The following SHANK2 variants were observed in gnomAD, a reference collection of about 807,000 sequenced individuals.
SHANK2 encodes the protein SH3 and multiple ankyrin repeat domains protein 2.
SHANK2 carries 43 observed loss-of-function variants against 133.7 expected under a neutral mutation model. That is an observed-to-expected ratio of 0.32 (90% CI 0.25 to 0.41). SHANK2 has a LOEUF of 0.41. Among genes scored for constraint, SHANK2 ranks in the 10% least tolerant of loss-of-function variants. The pLI is 1.00. For missense variants in SHANK2, 1,994 were observed against 2,235.8 expected (o/e 0.89, Z 2.18); for synonymous variants, 1,017 against 952.8 (o/e 1.07, Z -1.24).
chr11:70,575,369 A>T (rs1263766487), intron 17 of SHANK2, among the ~76,000 whole-genome samples: 1 of 152,094 alleles, frequency 6.6e-6, no homozygotes, highest in Admixed American at 6.6e-5. Flanking sequence ...CACACAAAAA[A>T]TCAGCTGGGC....
chr11:70,529,117 G>A (rs2059436185), intron 17 of SHANK2, among the ~76,000 whole-genome samples: 1 of 152,120 alleles, frequency 6.6e-6, no homozygotes, highest in African/African-American at 2.4e-5. Flanking sequence ...TAAGAAACGG[G>A]TGCCTGGGGA....
At chr11:70,706,589 G>A (rs573970864) in intron 14 of SHANK2, among the ~76,000 whole-genome samples, 2 of 152,050 alleles carry the variant, frequency 1.3e-5, no homozygotes, top group African/African-American at 4.8e-5. Context: ...TTAGGCTCTT[G>A]AACTTGTCAA....
intron 14 of SHANK2, among the ~76,000 whole-genome samples, chr11:70,722,278 T>C (rs1946088700): frequency 6.6e-6 from 1 of 152,236 alleles, no homozygotes; most frequent in Admixed American, 6.5e-5. Context: ...TTGGCCTTAG[T>C]GGCTGGCACA....
At chr11:71,126,086 C>T (rs1384695728) in intron 3 of SHANK2, among the ~76,000 whole-genome samples, 12 of 151,786 alleles carry the variant, frequency 7.9e-5, no homozygotes, top group Admixed American at 5.9e-4. Context: ...GGTGTGGTGG[C>T]AGGCACCTGT....
At chr11:70,502,757 A>C in intron 18 of SHANK2, 39 bp downstream of exon 18, 10 of 382,756 alleles carry the variant, frequency 2.6e-5, no homozygotes, top group South Asian at 5.2e-5. Context: ...CCCCCCCAGT[A>C]GGGCCCCAGG....
intron 13 of SHANK2, among the ~76,000 whole-genome samples, chr11:70,801,379 G>A (rs1305428003): frequency 6.6e-6 from 1 of 152,238 alleles, no homozygotes; most frequent in Non-Finnish European, 1.5e-5. Flanking sequence ...TGCCGAGGGT[G>A]CAGGGGAATG....
chr11:71,146,246 C>T (rs12289638), intron 3 of SHANK2, among the ~76,000 whole-genome samples: 1,530 of 152,350 alleles, frequency 0.01, 25 homozygotes, highest in African/African-American at 0.034. Flanking sequence ...CAAGAGGGAA[C>T]GTGGCTGGGC....
intron 3 of SHANK2, among the ~76,000 whole-genome samples, chr11:71,139,558 G>A (rs1952513650): frequency 6.6e-6 from 1 of 152,070 alleles, no homozygotes. Flanking sequence ...GGGCCACGGG[G>A]CCAGTTTTCT....
chr11:71,182,881 A>G (rs1294844077), intron 2 of SHANK2, among the ~76,000 whole-genome samples: 3 of 152,090 alleles, frequency 2.0e-5, no homozygotes, highest in African/African-American at 7.2e-5. Flanking sequence ...AGCGTGCCCC[A>G]CCATGCATGC....
chr11:70,507,809 C>T (rs1554968665), intron 17 of SHANK2, among the ~76,000 whole-genome samples: 2 of 152,238 alleles, frequency 1.3e-5, no homozygotes, highest in Admixed American at 6.5e-5. Flanking sequence ...CAGCACCAAG[C>T]ATGTGGTCCC....
chr11:70,502,419 G>A (rs139530187), intron 18 of SHANK2, 133 bp from the exon 19 acceptor site: 1 of 808,568 alleles, frequency 1.2e-6, no homozygotes, highest in Non-Finnish European at 2.0e-6. Context: ...GATTGTGCAG[G>A]TGTGCTTATG....
chr11:70,908,311 T>TGTTG (rs1555078368), intron 10 of SHANK2, among the ~76,000 whole-genome samples: 1 of 152,164 alleles, frequency 6.6e-6, no homozygotes, highest in Non-Finnish European at 1.5e-5. Context: ...TGGGCCTCGC[T>TGTTG]GTTGGCTGGA....
At chr11:70,715,049 C>T (rs782557454) in intron 14 of SHANK2, among the ~76,000 whole-genome samples, 14 of 152,090 alleles carry the variant, frequency 9.2e-5, no homozygotes, top group Non-Finnish European at 1.6e-4. Flanking sequence ...AAGCAATCCC[C>T]CCACCTCAGC....
At position 70,473,323 on chromosome 11, in the gene SHANK2, C is replaced by T. The variant is rs2058620306; in HGVS notation, c.5096G>A (p.Ser1699Asn). The change falls in exon 26 of 26, where the codon AGC (serine) becomes AAC (asparagine). Residue 1699 changes from serine (S) to asparagine (N), a missense_variant. By Grantham distance (46) the Ser-to-Asn change is conservative. Around this residue, in one of 5 missense-constraint regions of SHANK2, gnomAD observed 797 missense variants for 907.4 expected, o/e 0.88. Transcript: ENST00000601538. The surrounding 1 kb of genome is among the most constrained non-coding windows in gnomAD (Gnocchi z 5.9). ...TLQSRPPDYE[S>N]RTSGTRRAPS... ...GGCACGTCTTGTTCCTGAGGTCCTG[C>T]TTTCATAGTCGGGGGGCCGGCTCTG... 11 of 1,613,728 alleles carry T rather than the reference C, an allele frequency of 6.8e-6. No individual in the cohort carries two copies. The highest frequency in any genetic ancestry group is 8.5e-6 in the Non-Finnish European group (10 of 1,180,016).
chr11:71,247,200 CTG>C (rs1954972102), intron 1 of SHANK2, among the ~76,000 whole-genome samples: 1 of 152,126 alleles, frequency 6.6e-6, no homozygotes, highest in Admixed American at 6.6e-5. Flanking sequence ...GAAAAAGTGG[CTG>C]TGAGTCACGA....
At chr11:70,695,948 G>A (rs1945383032) in intron 15 of SHANK2, among the ~76,000 whole-genome samples, 1 of 152,236 alleles carries the variant, frequency 6.6e-6, no homozygotes, top group Non-Finnish European at 1.5e-5. Context: ...TTGCTTAGAA[G>A]CTACCAGTTG....
intron 2 of SHANK2, among the ~76,000 whole-genome samples, chr11:71,179,056 AT>A (rs1259880828): frequency 3.9e-5 from 6 of 152,128 alleles, no homozygotes; most frequent in African/African-American, 1.4e-4. Context: ...GGAGGATTAT[AT>A]TTTTTTCCAG....
At chr11:71,128,543 A>G (rs1952233815) in intron 3 of SHANK2, among the ~76,000 whole-genome samples, 1 of 152,140 alleles carries the variant, frequency 6.6e-6, no homozygotes, top group African/African-American at 2.4e-5. Flanking sequence ...GATGATGTAC[A>G]CACCGATCCC....
chr11:70,616,531 G>A (rs1353422920), intron 17 of SHANK2, among the ~76,000 whole-genome samples: 2 of 152,206 alleles, frequency 1.3e-5, no homozygotes, highest in Non-Finnish European at 2.9e-5. Flanking sequence ...CCAGGGATGA[G>A]GGAGGCAGGG....
Sources: gnomAD v4.1 joint callset for allele counts (sites outside exome capture counted in the v4.1 genomes callset) on GRCh38, gnomAD v4.1.1 for gene constraint, gnomAD v4.1.1 regional missense constraint, Gnocchi (gnomAD v3.1) non-coding constraint, MANE v1.5 for transcripts, NCBI Gene and HGNC (gene_info 2026-07-23, HGNC 2026-07-21) for gene names.